The following SCN3A variants were observed in gnomAD, a reference collection of about 807,000 sequenced individuals.
SCN3A encodes sodium channel protein type 3 subunit alpha.
SCN3A carries 60 observed loss-of-function variants against 187.6 expected under a neutral mutation model. That is an observed-to-expected ratio of 0.32 (90% CI 0.26 to 0.40). SCN3A has a LOEUF of 0.40. Among genes scored for constraint, SCN3A ranks in the 10% least tolerant of loss-of-function variants. The probability of loss-of-function intolerance (pLI) is 1.00; values close to 1 mark genes in which losing one functional copy is unlikely to be tolerated. For synonymous variants in SCN3A, 788 were observed against 829.2 expected (o/e 0.95, Z 0.85); for missense variants, 1,601 against 2,428.2 (o/e 0.66, Z 7.16).
intron 21 of SCN3A, among the ~76,000 whole-genome samples, chr2:165,101,627 G>A (rs1685607494): frequency 6.6e-6 from 1 of 152,086 alleles, no homozygotes; most frequent in Non-Finnish European, 1.5e-5. Context: ...TTCAAAGATG[G>A]TACATAACTA....
In SCN3A at chr2:165,130,102, C is replaced by G; in HGVS notation, c.2760G>C (p.Thr920=). The G allele has an allele frequency of 6.2e-7, 1 of 1,614,100 alleles. No homozygotes were observed. Among genetic ancestry groups the G allele is most frequent in the South Asian group, 1.1e-5 (1 of 91,080 alleles). ...ECVCKINDDC[T]LPRWHMNDFF... is the part of the protein sequence containing the mutation. Reference sequence around the variant, plus strand: ...AGTCGTTCATGTGCCACCGTGGGAGCGTACAGTCATCATTGATCTTGCAGA... The same window carrying G: ...AGTCGTTCATGTGCCACCGTGGGAGGGTACAGTCATCATTGATCTTGCAGA... Residue 920 remains threonine (T), a synonymous_variant, in exon 17 of 28, where the codon ACG becomes ACC. Transcript: ENST00000283254.
chr2:165,110,101 G>A (rs1686047383), intron 21 of SCN3A, among the ~76,000 whole-genome samples: 1 of 151,954 alleles, frequency 6.6e-6, no homozygotes, highest in Middle Eastern at 3.2e-3. Context: ...CCCCAAACAC[G>A]CAGTAATTTA....
chr2:165,129,143 C>T (rs1687167521), intron 17 of SCN3A, among the ~76,000 whole-genome samples: 1 of 152,104 alleles, frequency 6.6e-6, no homozygotes, highest in African/African-American at 2.4e-5. Flanking sequence ...TTCTTTTGAA[C>T]AAGTTTATCT....
intron 1 of SCN3A, among the ~76,000 whole-genome samples, chr2:165,197,135 T>C (rs1692015395): frequency 6.6e-6 from 1 of 152,132 alleles, no homozygotes; most frequent in South Asian, 2.1e-4. Context: ...TAAATGCCAG[T>C]GTGTTCAACC....
chr2:165,152,842 G>T (rs6723706), intron 11 of SCN3A, among the ~76,000 whole-genome samples: 90,688 of 151,696 alleles, frequency 0.6, 27,347 homozygotes, highest in East Asian at 0.84. Flanking sequence ...AATGGGTGCA[G>T]CACACCAACA....
At chr2:165,100,042 T>C (rs1184645209) in intron 22 of SCN3A, among the ~76,000 whole-genome samples, 1 of 152,120 alleles carries the variant, frequency 6.6e-6, no homozygotes, top group East Asian at 1.9e-4. Flanking sequence ...CAGTCCAAGG[T>C]TTTTGAGTGT....
chr2:165,148,038 T>C (rs1243045383), intron 11 of SCN3A, among the ~76,000 whole-genome samples: 4 of 152,120 alleles, frequency 2.6e-5, no homozygotes, highest in African/African-American at 9.7e-5. Context: ...TACAAACAAA[T>C]CTAACTTATC....
intron 9 of SCN3A, among the ~76,000 whole-genome samples, chr2:165,161,748 T>C (rs1689411711): frequency 6.6e-6 from 1 of 152,228 alleles, no homozygotes; most frequent in African/African-American, 2.4e-5. Flanking sequence ...TTGTAACGTG[T>C]GGCCTAAAAG....
chr2:165,117,041 TC>T (rs1159426381), intron 18 of SCN3A, among the ~76,000 whole-genome samples: 1 of 151,454 alleles, frequency 6.6e-6, no homozygotes, highest in Non-Finnish European at 1.5e-5. Flanking sequence ...TTTTTCTGCT[TC>T]TTATAGCCAG....
At chr2:165,101,161 G>A (rs1472348043) in intron 21 of SCN3A, among the ~76,000 whole-genome samples, 1 of 152,140 alleles carries the variant, frequency 6.6e-6, no homozygotes, top group Non-Finnish European at 1.5e-5. Context: ...GCCCATTGGA[G>A]CATTTTGGAT....
At chr2:165,141,816 G>T (rs927831775) in intron 12 of SCN3A, among the ~76,000 whole-genome samples, 8 of 152,052 alleles carry the variant, frequency 5.3e-5, no homozygotes, top group Non-Finnish European at 1.0e-4. Context: ...ACCAGCAGGT[G>T]GTGTGAAAAA....
At chr2:165,133,185 G>T in intron 15 of SCN3A, among the ~76,000 whole-genome samples, 1 of 152,122 alleles carries the variant, frequency 6.6e-6, no homozygotes, top group Non-Finnish European at 1.5e-5. Context: ...CTGTTTGTGG[G>T]ACTGTAAACT....
intron 12 of SCN3A, among the ~76,000 whole-genome samples, chr2:165,144,764 C>T (rs1688220387): frequency 5.3e-5 from 8 of 151,860 alleles, no homozygotes; most frequent in African/African-American, 4.8e-5. Flanking sequence ...ATTCATTGTC[C>T]GTCTCCTTTG....
intron 3 of SCN3A, among the ~76,000 whole-genome samples, chr2:165,173,839 C>T (rs1459947731): frequency 6.6e-6 from 1 of 152,112 alleles, no homozygotes; most frequent in African/African-American, 2.4e-5. Flanking sequence ...ACTTCATAAA[C>T]GAAAGCAGTG....
At chr2:165,121,475 T>G (rs1232872519) in intron 18 of SCN3A, among the ~76,000 whole-genome samples, 2 of 152,208 alleles carry the variant, frequency 1.3e-5, no homozygotes, top group Middle Eastern at 3.2e-3. Flanking sequence ...TGACTAATAA[T>G]GTTGTTTTAT....
At position 165,112,837 on chromosome 2, in the gene SCN3A, C is replaced by T. The variant is rs761385474; in HGVS notation, c.3843+48G>A. 4 of 1,512,598 alleles carry T rather than the reference C, an allele frequency of 2.6e-6. No individual in the cohort carries two copies. The African/African-American group carries it at 4.1e-5, about 16-fold the overall frequency. 93.7% of individuals were successfully genotyped at this position (1,512,598 alleles called of 1,614,324 possible). ...TAACAGAAACATATGAAATGTCAAACTTGCCTCTTTTAAAAACAATTTTAT... is the reference window on the plus strand; with the variant it reads ...TAACAGAAACATATGAAATGTCAAATTTGCCTCTTTTAAAAACAATTTTAT... On this transcript the variant is annotated intron_variant, in intron 21 of 27. Coordinates refer to ENST00000283254, the MANE Select transcript of SCN3A (RefSeq NM_006922.4).
At chr2:165,103,869 G>A (rs1002681266) in intron 21 of SCN3A, among the ~76,000 whole-genome samples, 1 of 152,050 alleles carries the variant, frequency 6.6e-6, no homozygotes, top group Non-Finnish European at 1.5e-5. Flanking sequence ...TATAATTTTT[G>A]ATGATGAGAT....
At chr2:165,185,061 G>GAA (rs1038236736) in intron 2 of SCN3A, among the ~76,000 whole-genome samples, 3 of 132,440 alleles carry the variant, frequency 2.3e-5, no homozygotes, top group Non-Finnish European at 3.3e-5. Context: ...TCATGGCTCT[G>GAA]AAAAAAAAAA....
In SCN3A at chr2:165,131,180, C is replaced by T. The variant is rs113925326; in HGVS notation, c.2565+64G>A. 2.2e-3 allele frequency: 2,275 copies of T among 1,028,518 alleles called. 37 individuals carry two copies. The African/African-American group carries it at 0.033, about 15-fold the overall frequency. 63.7% of individuals were successfully genotyped at this position (1,028,518 alleles called of 1,614,324 possible). ...TAAAATTAATAATTATATAAATATACATTGATTCAATTTCAAAATAAATGT... is the reference window on the plus strand; with the variant it reads ...TAAAATTAATAATTATATAAATATATATTGATTCAATTTCAAAATAAATGT... On this transcript the variant is annotated intron_variant, in intron 16 of 27. Coordinates refer to ENST00000283254, the MANE Select transcript of SCN3A (RefSeq NM_006922.4).
Sources: gnomAD v4.1 joint callset for allele counts (sites outside exome capture counted in the v4.1 genomes callset) on GRCh38, gnomAD v4.1.1 for gene constraint, MANE v1.5 for transcripts, NCBI Gene and HGNC (gene_info 2026-07-23, HGNC 2026-07-21) for gene names.